The following CCDC69 variants were observed in gnomAD, a reference collection of about 807,000 sequenced individuals.
CCDC69 encodes coiled-coil domain containing 69.
Under a neutral mutation model 40.3 loss-of-function variants are expected in CCDC69, and 38 were observed. The ratio of observed to expected loss-of-function variants is 0.94; its 90% confidence interval spans 0.73 to 1.24. CCDC69 has a LOEUF of 1.24. CCDC69 is among the 50% of genes most tolerant of loss of function. The pLI is 0.00. For synonymous variants in CCDC69, 141 were observed against 138.9 expected, an observed-to-expected ratio of 1.02 and a Z score of -0.11; for missense variants, 389 against 357.9, an observed-to-expected ratio of 1.09 and a Z score of -0.70.
At chr5:151,186,220 C>T in intron 5 of CCDC69, 96 bp from the exon 6 acceptor site, 1 of 825,276 alleles carries the variant, frequency 1.2e-6, no homozygotes, top group Non-Finnish European at 2.1e-6. Flanking sequence ...GTTTTGGGTT[C>T]TTCAATCTGT....
chr5:151,220,603 A>G (rs1443437698), intron 1 of CCDC69, among the ~76,000 whole-genome samples: 1 of 152,086 alleles, frequency 6.6e-6, no homozygotes, highest in East Asian at 1.9e-4. Context: ...TGAATGACTG[A>G]CCCACCAAGT....
intron 1 of CCDC69, among the ~76,000 whole-genome samples, chr5:151,207,923 G>T (rs1477475531): frequency 6.6e-6 from 1 of 152,058 alleles, no homozygotes; most frequent in Non-Finnish European, 1.5e-5. Flanking sequence ...GAAGGAAGAA[G>T]ATGTTCTAGA....
chr5:151,207,453 G>A (rs909296731), intron 1 of CCDC69, among the ~76,000 whole-genome samples: 6 of 151,616 alleles, frequency 4.0e-5, no homozygotes, highest in East Asian at 1.9e-4. Flanking sequence ...CACCACGCCC[G>A]GCTAATTTTT....
chr5:151,218,359 G>A (rs1753083065), intron 1 of CCDC69, among the ~76,000 whole-genome samples: 1 of 152,180 alleles, frequency 6.6e-6, no homozygotes, highest in Non-Finnish European at 1.5e-5. Context: ...TGGTCACTGG[G>A]GACGGCTCAC....
At chr5:151,195,228 G>C (rs1000946899) in intron 4 of CCDC69, among the ~76,000 whole-genome samples, 1 of 152,042 alleles carries the variant, frequency 6.6e-6, no homozygotes, top group African/African-American at 2.4e-5. Context: ...TTCTCCCCTG[G>C]GTGTTACAGT....
At chr5:151,187,192 A>C (rs371651550) in intron 5 of CCDC69, among the ~76,000 whole-genome samples, 194 bp downstream of exon 5, 4 of 152,238 alleles carry the variant, frequency 2.6e-5, no homozygotes, top group South Asian at 2.1e-4. Flanking sequence ...GCCCAACTCA[A>C]TTTCACACTC....
At position 151,182,586 on chromosome 5, in the gene CCDC69, C is replaced by T. The variant is rs140157639; in HGVS notation, c.*851G>A. On this transcript the variant is annotated 3_prime_UTR_variant, in exon 9 of 9. Coordinates refer to ENST00000355417, the MANE Select transcript of CCDC69 (RefSeq NM_015621.3). Reference sequence around the variant, plus strand: ...ATTCGACTCTGGGAACTGCTCCATGCCTTGGTTTCCTCATCTGTGCAGGGA... The same window carrying T: ...ATTCGACTCTGGGAACTGCTCCATGTCTTGGTTTCCTCATCTGTGCAGGGA... 415 of 168,096 alleles carry T rather than the reference C, an allele frequency of 2.5e-3. 2 individuals are homozygous for T. Among genetic ancestry groups the T allele is most frequent in the African/African-American group, 9.6e-3 (402 of 41,794 alleles). The allele number at this position is 168,096 out of a possible 1,614,324, so 10.4% of individuals were successfully genotyped here. A position where few individuals can be genotyped will look rare whatever the true frequency, so the allele number is the denominator to read the frequency against.
intron 4 of CCDC69, among the ~76,000 whole-genome samples, chr5:151,192,107 G>GA (rs1752621542): frequency 3.6e-5 from 2 of 55,204 alleles, no homozygotes; most frequent in Non-Finnish European, 7.7e-5. Context: ...AAAAAAAAAA[G>GA]AATGAAAAGA....
chr5:151,187,669 T>C (rs1207362622), intron 4 of CCDC69, among the ~76,000 whole-genome samples: 2 of 152,040 alleles, frequency 1.3e-5, no homozygotes, highest in African/African-American at 4.8e-5. Context: ...TCAAGGAAAT[T>C]GAAATAAACT....
At chr5:151,185,682 C>T in intron 6 of CCDC69, 141 bp from the exon 7 acceptor site, 4 of 841,062 alleles carry the variant, frequency 4.8e-6, no homozygotes, top group Non-Finnish European at 7.7e-6. Context: ...TGCTTTATCT[C>T]CCTGTATCCG....
chr5:151,208,382 G>A (rs1752883047), intron 1 of CCDC69, among the ~76,000 whole-genome samples: 1 of 152,246 alleles, frequency 6.6e-6, no homozygotes, highest in African/African-American at 2.4e-5. Flanking sequence ...TCACTGGGGA[G>A]GGAAGATGTA....
At chr5:151,216,407 T>G (rs980481246) in intron 1 of CCDC69, among the ~76,000 whole-genome samples, 9 of 94,638 alleles carry the variant, frequency 9.5e-5, no homozygotes, top group Middle Eastern at 5.3e-3. Flanking sequence ...ATTATTAGGA[T>G]TTTTTTTTTT....
rs976811354 is a variant in CCDC69, at chr5:151,224,043, C to T, written c.-73G>A. The T allele has an allele frequency of 2.7e-5, 37 of 1,346,664 alleles. No individual in the cohort carries two copies. Among genetic ancestry groups the T allele is most frequent in the Admixed American group, 2.3e-4 (8 of 34,348 alleles). 83.4% of individuals were successfully genotyped at this position (1,346,664 alleles called of 1,614,324 possible). On this transcript the variant is annotated 5_prime_UTR_variant, in exon 1 of 9. Transcript: ENST00000355417. The stretch of plus-strand genomic sequence containing the variant: ...AGAGGAGCCTGCGATCCGGGCCCCG[C>T]TGCCCGCTCCGCGCCCGCCGGCTGG...
At chr5:151,222,881 T>C (rs985075096) in intron 1 of CCDC69, among the ~76,000 whole-genome samples, 1 of 152,158 alleles carries the variant, frequency 6.6e-6, no homozygotes, top group Non-Finnish European at 1.5e-5. Context: ...CTAGGACTAC[T>C]GTTAGGCAGA....
chr5:151,215,733 C>A, intron 1 of CCDC69: 1 of 312,232 alleles, frequency 3.2e-6, no homozygotes, highest in South Asian at 2.2e-5. Flanking sequence ...AAGTTGCACG[C>A]AGCATGCTCC....
At chr5:151,184,660 G>T in intron 7 of CCDC69, 2 of 479,274 alleles carry the variant, frequency 4.2e-6, no homozygotes, top group Admixed American at 3.4e-5. Flanking sequence ...AAAAATTACA[G>T]GCCCTACCAT....
chr5:151,184,462 T>C (rs1292232905), intron 7 of CCDC69, 21 bp from the exon 8 acceptor site: 1 of 1,540,616 alleles, frequency 6.5e-7, no homozygotes, highest in South Asian at 1.1e-5. Flanking sequence ...GAGAATGAGC[T>C]CAGAAAGCTG....
rs1359051426 is a variant in CCDC69 at position 151,182,667 on chromosome 5, G to A, written c.*770C>T. ...TCACAACCACCAAGCTTGCCCCTGT[G>A]CCCAGGTGGCACCAAGACTGAAGGG... On this transcript the variant is annotated 3_prime_UTR_variant, in exon 9 of 9. Coordinates refer to ENST00000355417, the MANE Select transcript of CCDC69 (RefSeq NM_015621.3). 3.9e-6 allele frequency: 1 copy of A among 255,216 alleles called. No homozygotes were observed. Among genetic ancestry groups the A allele is most frequent in the Non-Finnish European group, 7.8e-6 (1 of 128,130 alleles). The allele number at this position is 255,216 out of a possible 1,614,324, so 15.8% of individuals were successfully genotyped here.
chr5:151,203,907 G>A (rs997211705), intron 2 of CCDC69, among the ~76,000 whole-genome samples: 60 of 137,598 alleles, frequency 4.4e-4, no homozygotes, highest in African/African-American at 1.0e-3. Flanking sequence ...AATATATATC[G>A]TATATATAGT....
Sources: allele counts gnomAD v4.1 joint callset (sites outside exome capture counted in the v4.1 genomes callset), GRCh38; gene constraint gnomAD v4.1.1; transcripts MANE v1.5; gene names NCBI Gene and HGNC (gene_info 2026-07-23, HGNC 2026-07-21).